The following TGM1 variants were observed in gnomAD, a reference collection of about 807,000 sequenced individuals.
TGM1 encodes the protein transglutaminase 1, also known as protein-glutamine gamma-glutamyltransferase K.
In TGM1, 63 loss-of-function variants were observed where a neutral mutation model predicts 88.7. The observed-to-expected ratio is 0.71, with a 90% CI of 0.58 to 0.88. TGM1 has a LOEUF of 0.88. Among genes scored for constraint, TGM1 ranks in the 40% least tolerant of loss-of-function variants. The pLI, the probability that TGM1 is intolerant of heterozygous loss-of-function variation, is 0.00. For missense variants in TGM1, 996 were observed against 1,118.0 expected (o/e 0.89, Z 1.56); for synonymous variants, 415 against 431.1 (o/e 0.96, Z 0.46).
At chr14:24,257,815 A>C (rs2040767786) in intron 9 of TGM1, among the ~76,000 whole-genome samples, 1 of 152,226 alleles carries the variant, frequency 6.6e-6, no homozygotes, top group African/African-American at 2.4e-5. Context: ...TTGAAAAAAA[A>C]CCCAAATACC....
intron 14 of TGM1, among the ~76,000 whole-genome samples, chr14:24,253,286 A>G (rs2040716174): frequency 6.6e-6 from 1 of 152,236 alleles, no homozygotes; most frequent in Admixed American, 6.5e-5. Context: ...AGTGCACTAA[A>G]CAACCCTAGG....
At chr14:24,258,174 G>T in intron 9 of TGM1, 111 bp downstream of exon 9, 1 of 803,810 alleles carries the variant, frequency 1.2e-6, no homozygotes, top group Non-Finnish European at 2.1e-6. Flanking sequence ...AGAAGCCGCG[G>T]GGTTACATGG....
intron 7 of TGM1, 90 bp downstream of exon 7, chr14:24,258,985 T>C (rs1329071479): frequency 1.3e-6 from 2 of 1,490,696 alleles, no homozygotes; most frequent in East Asian, 2.3e-5. Context: ...CCCTGCACTG[T>C]AGCCACATCT....
intron 9 of TGM1, among the ~76,000 whole-genome samples, chr14:24,256,569 C>T (rs1454534061): frequency 6.6e-6 from 1 of 152,212 alleles, no homozygotes; most frequent in Non-Finnish European, 1.5e-5. Flanking sequence ...TGCGGAACAA[C>T]CCTCAGCTCT....
At position 24,260,580 on chromosome 14, in the gene TGM1, G is replaced by A. The variant is rs781571622; in HGVS notation, c.627C>T (p.Val209=). 6.2e-7 allele frequency: 1 copy of A among 1,614,190 alleles called. No homozygotes were observed. Among genetic ancestry groups the A allele is most frequent in the East Asian group, 2.2e-5 (1 of 44,878 alleles). The change falls in exon 4 of 15, where the codon GTC becomes GTT. Residue 209 remains valine, a synonymous_variant. Transcript: ENST00000206765. The part of the protein sequence containing the change: ...KASGQNLNLR[V]HTSPNAIIGK... ...CGATGATGGCGTTGGGGGAAGTGTG[G>A]ACCCGCAGGTTCAGATTCTGCCCAC...
At position 24,258,634 on chromosome 14, in the gene TGM1, T is replaced by G. The variant is rs771078653; in HGVS notation, c.1199A>C (p.Asn400Thr). The change falls in exon 8 of 15, where the codon AAC becomes ACC. Residue 400 changes from asparagine to threonine, a missense_variant. Transcript: ENST00000206765. Reference sequence around the variant, plus strand: ...GTCTGTGTCGTGGGCGGAGTTGAAGTTGGTGACAGTACGGGTGGCCAGACC... The same window carrying G: ...GTCTGTGTCGTGGGCGGAGTTGAAGGTGGTGACAGTACGGGTGGCCAGACC... ...CLGLATRTVTNFNSAHDTDTS... is the reference protein window; with the variant it reads ...CLGLATRTVTTFNSAHDTDTS... The G allele has an allele frequency of 3.7e-6, 6 of 1,614,180 alleles. No homozygotes were observed. In the South Asian group the frequency reaches 5.5e-5, roughly 15 times the overall value.
rs187050700 is a variant in TGM1, at chr14:24,254,763, C to G, written c.1989G>C (p.Gly663=). The G allele has an allele frequency of 4.3e-6, 7 of 1,614,036 alleles. No individual in the cohort carries two copies. In the African/African-American group the frequency reaches 9.3e-5, roughly 22 times the overall value. The change falls in exon 13 of 15, where the codon GGG becomes GGC. Residue 663 remains glycine, a synonymous_variant. Transcript: ENST00000206765. ...KEYRPHLVDQ[G]AMLLNVSGHV... ...GGCCTGAGACATTGAGCAGCATGGC[C>G]CCCTGGTCCACAAGATGGGGCCGGT...
chr14:24,258,519 G>C lies in TGM1; in HGVS notation c.1298+16C>G, dbSNP rs1333767163. 1.6e-5 allele frequency: 26 copies of C among 1,611,922 alleles called. No homozygotes were observed. Among genetic ancestry groups the C allele is most frequent in the Non-Finnish European group, 2.2e-5 (26 of 1,178,952 alleles). Reference sequence around the variant, plus strand: ...CACCATTCTTCAGCACAGATGGGCAGTCCACCCCAGCTCACCAGACAGAAT... The same window carrying C: ...CACCATTCTTCAGCACAGATGGGCACTCCACCCCAGCTCACCAGACAGAAT... On this transcript the variant is annotated intron_variant, in intron 8 of 14. Coordinates refer to ENST00000206765, the MANE Select transcript of TGM1 (RefSeq NM_000359.3).
chr14:24,262,838 A>AC (rs1465722860), intron 1 of TGM1, among the ~76,000 whole-genome samples: 1 of 152,132 alleles, frequency 6.6e-6, no homozygotes, highest in Non-Finnish European at 1.5e-5. Flanking sequence ...CAGACAAGTG[A>AC]CCCCGGGGCC....
In TGM1 at chr14:24,258,621, G is replaced by A. The variant is rs2040778261; in HGVS notation, c.1212C>T (p.Ala404=). ...ATRTVTNFNS[A]HDTDTSLTMD... ...TGGTAAGGGATGTGTCTGTGTCGTG[G>A]GCGGAGTTGAAGTTGGTGACAGTAC... The change falls in exon 8 of 15, where the codon GCC becomes GCT. Residue 404 remains alanine (A), a synonymous_variant. Transcript: ENST00000206765. 4 of 1,614,200 alleles carry A rather than the reference G, an allele frequency of 2.5e-6. No individual in the cohort carries two copies. The East Asian group carries it at 8.9e-5, about 36-fold the overall frequency.
chr14:24,261,560 C>T, intron 3 of TGM1, 135 bp downstream of exon 3: 1 of 1,150,956 alleles, frequency 8.7e-7, no homozygotes, highest in Admixed American at 1.8e-5. Flanking sequence ...GGCACACCCA[C>T]ACACTTGCAC....
Position 24,255,521 on chromosome 14 carries a change from TG to T in TGM1, c.1492-5del. The T allele has an allele frequency of 2.5e-6, 4 of 1,612,426 alleles. No homozygotes were observed. The highest frequency in any genetic ancestry group is 3.4e-6 in the Non-Finnish European group (4 of 1,179,910). ...AGTACACCTTGTCACTATTCACCTG[TG>T]GGGGGTGGGGGTGAGCAGGAATGAG... On this transcript the variant is annotated splice_polypyrimidine_tract_variant and splice_region_variant and intron_variant, in intron 10 of 14. Transcript: ENST00000206765. This position sits in a 1 kb window ranked among gnomAD's most constrained non-coding sequence, Gnocchi z 4.0.
intron 14 of TGM1, among the ~76,000 whole-genome samples, chr14:24,253,404 G>A (rs553487520): frequency 1.2e-4 from 19 of 152,230 alleles, no homozygotes; most frequent in South Asian, 6.2e-4. Context: ...AGCTGAACCC[G>A]TATCATTAGG....
At chr14:24,253,899 T>C (rs2040721140) in intron 14 of TGM1, among the ~76,000 whole-genome samples, 1 of 152,216 alleles carries the variant, frequency 6.6e-6, no homozygotes, top group Non-Finnish European at 1.5e-5. Context: ...GATTCCTATG[T>C]GGGCCTTCTG....
rs527855939 is a variant in TGM1, at chr14:24,255,655, A to G, written c.1492-138T>C. ...GGGTGGGAGCTTCCTGGCAGAGCCC[A>G]AGGGGAGACTTTCCAAGACGAGCCA... is the stretch of plus-strand genomic sequence containing the variant. On this transcript the variant is annotated intron_variant, in intron 10 of 14. Coordinates refer to ENST00000206765, the MANE Select transcript of TGM1 (RefSeq NM_000359.3). The surrounding 1 kb of genome is among the most constrained non-coding windows in gnomAD (Gnocchi z 4.0). The G allele has an allele frequency of 1.4e-4, 168 of 1,188,338 alleles. No homozygotes were observed. In the East Asian group the frequency reaches 3.6e-3, roughly 26 times the overall value. The allele number at this position is 1,188,338 out of a possible 1,614,324, so 73.6% of individuals were successfully genotyped here.
chr14:24,254,960 AG>A lies in TGM1; in HGVS notation c.1927+11del. 6.2e-7 allele frequency: 1 copy of A among 1,613,578 alleles called. No individual in the cohort carries two copies. The highest frequency in any genetic ancestry group is 8.5e-7 in the Non-Finnish European group (1 of 1,179,998). On this transcript the variant is annotated intron_variant, in intron 12 of 14. Coordinates refer to ENST00000206765, the MANE Select transcript of TGM1 (RefSeq NM_000359.3). Reference sequence around the variant, plus strand: ...GCCATCCAGGGGGCAGGGCTGGGTAAGGAGCACTTACAGGCCCCTGGTGCCA... The same window carrying A: ...GCCATCCAGGGGGCAGGGCTGGGTAAGAGCACTTACAGGCCCCTGGTGCCA...
chr14:24,262,510 C>T (rs571165250), intron 1 of TGM1, among the ~76,000 whole-genome samples, 156 bp from the exon 2 acceptor site: 7 of 152,320 alleles, frequency 4.6e-5, no homozygotes, highest in African/African-American at 1.7e-4. Context: ...AGACCTTCCG[C>T]GAAGACCATT....
chr14:24,249,300 T>C lies in TGM1; in HGVS notation c.*13A>G, dbSNP rs766026902. On this transcript the variant is annotated 3_prime_UTR_variant, in exon 15 of 15. Transcript: ENST00000206765. ...GCTCATCTGACTCCAGTCCCATTGCTCCTGGCACGGGGCTAAGCTCCACCT... is the reference window on the plus strand; with the variant it reads ...GCTCATCTGACTCCAGTCCCATTGCCCCTGGCACGGGGCTAAGCTCCACCT... 2 of 1,610,208 alleles carry C rather than the reference T, an allele frequency of 1.2e-6. No individual in the cohort carries two copies. The highest frequency in any genetic ancestry group is 1.7e-6 in the Non-Finnish European group (2 of 1,178,000).
At chr14:24,253,377 T>C (rs896256296) in intron 14 of TGM1, among the ~76,000 whole-genome samples, 1 of 152,228 alleles carries the variant, frequency 6.6e-6, no homozygotes, top group Non-Finnish European at 1.5e-5. Context: ...CAAGGGCATA[T>C]AGCCAGTAAG....
Sources: allele counts gnomAD v4.1 joint callset (sites outside exome capture counted in the v4.1 genomes callset), GRCh38; gene constraint gnomAD v4.1.1; non-coding constraint Gnocchi (gnomAD v3.1); transcripts MANE v1.5; gene names NCBI Gene and HGNC (gene_info 2026-07-23, HGNC 2026-07-21).